LAMA4: variants seen among roughly 807,000 people sequenced by gnomAD.
LAMA4 encodes the protein laminin subunit alpha 4, also known as laminin subunit alpha-4.
Under a neutral mutation model 207.1 loss-of-function variants are expected in LAMA4, and 127 were observed. That is an observed-to-expected ratio of 0.61 (90% CI 0.53 to 0.71). The LOEUF (loss-of-function observed/expected upper bound fraction) is 0.71. Ranked by LOEUF, LAMA4 falls within the 30% of genes least tolerant of loss-of-function variation. The pLI is 0.00. For missense variants in LAMA4, 2,093 were observed against 2,246.5 expected (o/e 0.93, Z 1.38); for synonymous variants, 761 against 816.0 (o/e 0.93, Z 1.15).
chr6:112,231,736 C>T (rs1249167689), intron 2 of LAMA4, among the ~76,000 whole-genome samples: 1 of 152,228 alleles, frequency 6.6e-6, no homozygotes, highest in Non-Finnish European at 1.5e-5. Flanking sequence ...TATGTGGCAG[C>T]TTGACATATG....
chr6:112,137,661 C>T (rs1487792493), intron 24 of LAMA4, among the ~76,000 whole-genome samples: 2 of 152,036 alleles, frequency 1.3e-5, no homozygotes, highest in Admixed American at 6.5e-5. Flanking sequence ...CTGATATAAC[C>T]GAAATAATAG....
chr6:112,220,230 T>A (rs1312029310), intron 2 of LAMA4, among the ~76,000 whole-genome samples: 1 of 152,154 alleles, frequency 6.6e-6, no homozygotes, highest in African/African-American at 2.4e-5. Flanking sequence ...TGTAGATCTT[T>A]TACAGCTCTT....
chr6:112,127,505 G>A (rs1210143578), intron 31 of LAMA4, among the ~76,000 whole-genome samples: 1 of 152,018 alleles, frequency 6.6e-6, no homozygotes, highest in East Asian at 1.9e-4. Flanking sequence ...TGGGAGGCCA[G>A]TATGGGGAGA....
chr6:112,209,803 A>T (rs939310919), intron 3 of LAMA4, among the ~76,000 whole-genome samples: 1 of 152,224 alleles, frequency 6.6e-6, no homozygotes, highest in African/African-American at 2.4e-5. Flanking sequence ...TAAAAAAGGT[A>T]TGTTGTTGTG....
chr6:112,113,593 C>T (rs1384955881), intron 38 of LAMA4, among the ~76,000 whole-genome samples: 3 of 152,160 alleles, frequency 2.0e-5, no homozygotes, highest in African/African-American at 7.2e-5. Flanking sequence ...GGGAACCTCT[C>T]TGAGGGAATG....
At chr6:112,141,800 C>G (rs1779715177) in intron 20 of LAMA4, among the ~76,000 whole-genome samples, 1 of 152,122 alleles carries the variant, frequency 6.6e-6, no homozygotes, top group South Asian at 2.1e-4. Context: ...CAGTACCGAT[C>G]ACTATGCATC....
chr6:112,168,491 G>A (rs1554340798), intron 12 of LAMA4, among the ~76,000 whole-genome samples: 1 of 151,672 alleles, frequency 6.6e-6, no homozygotes, highest in African/African-American at 2.4e-5. Flanking sequence ...TATTACAGGT[G>A]CCCACCACCA....
chr6:112,183,934 A>AG (rs1782519164), intron 9 of LAMA4, among the ~76,000 whole-genome samples: 1 of 144,772 alleles, frequency 6.9e-6, no homozygotes, highest in African/African-American at 2.5e-5. Context: ...CTGGGCAACA[A>AG]AGCGAGACTC....
intron 25 of LAMA4, 26 bp from the exon 26 acceptor site, chr6:112,134,635 C>T (rs1554330949): frequency 6.5e-7 from 1 of 1,543,294 alleles, no homozygotes; most frequent in African/African-American, 1.4e-5. Flanking sequence ...TATAGTAAGC[C>T]TTGATTAACT....
rs534755335 is a variant in LAMA4, at chr6:112,192,650, G to C, written c.504-800C>G. The stretch of plus-strand genomic sequence containing the variant: ...CAGGCTGGCTGGGCCTTTGATGAGA[G>C]AGCCCAGCTGAGTTGGAGAATGGAG... On this transcript the variant is annotated intron_variant, in intron 5 of 38. Transcript: ENST00000230538. 3.3e-5 allele frequency among the ~76,000 whole-genome samples: 5 copies of C among 152,368 alleles called. No homozygotes were observed. The South Asian group carries it at 8.3e-4, about 25-fold the overall frequency.
chr6:112,254,961 A>G (rs1012398555), upstream of LAMA4: 4 of 152,148 alleles, frequency 2.6e-5, no homozygotes, highest in Non-Finnish European at 5.9e-5. Flanking sequence ...TTGTGCTAAT[A>G]TCTTCTCTTC....
intron 5 of LAMA4, chr6:112,200,212 A>G (rs1554351804): frequency 1.9e-6 from 1 of 521,138 alleles, no homozygotes; most frequent in Non-Finnish European, 3.9e-6. Flanking sequence ...CAGTTTAGAA[A>G]AAGAGAGAAA....
At chr6:112,163,819 T>C (rs1391078645) in intron 13 of LAMA4, among the ~76,000 whole-genome samples, 1 of 152,198 alleles carries the variant, frequency 6.6e-6, no homozygotes, top group Non-Finnish European at 1.5e-5. Context: ...AGCACGTTTG[T>C]ACGCTGATGG....
chr6:112,152,090 A>G (rs73536586), intron 16 of LAMA4, among the ~76,000 whole-genome samples: 75 of 152,198 alleles, frequency 4.9e-4, no homozygotes, highest in African/African-American at 1.7e-3. Flanking sequence ...TTTTTGTGAG[A>G]GAATTTGGCT....
At chr6:112,207,831 A>G (rs1430005767) in intron 3 of LAMA4, among the ~76,000 whole-genome samples, 1 of 152,192 alleles carries the variant, frequency 6.6e-6, no homozygotes, top group East Asian at 1.9e-4. Context: ...CTAGGCTGCA[A>G]AATCTCTTGA....
At chr6:112,187,189 T>A in intron 8 of LAMA4, 3 of 557,572 alleles carry the variant, frequency 5.4e-6, no homozygotes, top group Non-Finnish European at 9.6e-6. Flanking sequence ...TGGGCATAGA[T>A]ACTAGTCTTT....
intron 2 of LAMA4, among the ~76,000 whole-genome samples, chr6:112,229,543 T>C (rs1304058002): frequency 2.0e-5 from 3 of 152,192 alleles, no homozygotes; most frequent in African/African-American, 7.2e-5. Flanking sequence ...CTTCATTTAG[T>C]GGTGACAACA....
At chr6:112,115,827 G>T (rs1052604923) in intron 36 of LAMA4, 36 bp downstream of exon 36, 2 of 1,603,654 alleles carry the variant, frequency 1.2e-6, no homozygotes, top group African/African-American at 2.7e-5. Context: ...TCCAAGGTCA[G>T]ATGAGACAAA....
intron 16 of LAMA4, among the ~76,000 whole-genome samples, chr6:112,150,960 A>G (rs1157684909): frequency 6.6e-6 from 1 of 152,198 alleles, no homozygotes; most frequent in Non-Finnish European, 1.5e-5. Context: ...CTCTCTCTAC[A>G]TATATGTGAT....
Sources: allele counts gnomAD v4.1 joint callset (sites outside exome capture counted in the v4.1 genomes callset), GRCh38; gene constraint gnomAD v4.1.1; transcripts MANE v1.5; gene names NCBI Gene and HGNC (gene_info 2026-07-23, HGNC 2026-07-21).